SYTL5: variants seen among roughly 807,000 people sequenced by gnomAD.
SYTL5 encodes the protein synaptotagmin-like protein 5.
Under a neutral mutation model 55.9 loss-of-function variants are expected in SYTL5, and 34 were observed. The ratio of observed to expected loss-of-function variants is 0.61; its 90% CI spans 0.46 to 0.81. The LOEUF is 0.81. Among genes scored for constraint, SYTL5 ranks in the 30% least tolerant of loss-of-function variants. The probability of loss-of-function intolerance (pLI) is 0.00; values close to 1 mark genes in which losing one functional copy is unlikely to be tolerated. For synonymous variants in SYTL5, 221 were observed against 188.7 expected, an observed-to-expected ratio of 1.17 and a Z score of -1.40; for missense variants, 637 against 546.7, an observed-to-expected ratio of 1.17 and a Z score of -1.65.
At chrX:38,096,863 T>C (rs745311738) in intron 9 of SYTL5, among the ~76,000 whole-genome samples, 2 of 111,378 alleles carry the variant, frequency 1.8e-5, no homozygotes, top group East Asian at 5.6e-4. Context: ...AATAATATTT[T>C]CTATAGTACA....
intron 4 of SYTL5, 113 bp downstream of exon 4, chrX:38,072,275 A>G: frequency 2.0e-6 from 1 of 504,166 alleles, no homozygotes. Context: ...TGAATCCCTT[A>G]GGGCATTTCA....
At chrX:38,096,865 T>A (rs771666615) in intron 9 of SYTL5, among the ~76,000 whole-genome samples, 1 of 111,412 alleles carries the variant, frequency 9.0e-6, no homozygotes, top group Non-Finnish European at 1.9e-5. Context: ...TAATATTTTC[T>A]ATAGTACAAA....
At position 38,099,237 on chromosome X, in the gene SYTL5, T is replaced by C. The variant is rs142407603; in HGVS notation, c.1062+3003T>C. ...ATAATTGTTAAAACTAGGTAATCAG[T>C]TATAAGGGTTCATTATGCTATGCTT... On this transcript the variant is annotated intron_variant, in intron 9 of 16. Transcript: ENST00000297875. Among the ~76,000 whole-genome samples the C allele has an allele frequency of 3.2e-3, 357 of 110,865 alleles. 8 individuals are homozygous for C. The East Asian group carries it at 0.042, about 13-fold the overall frequency.
chrX:37,938,314 T>C, the SYTL5 span, among the ~76,000 whole-genome samples: 1 of 112,444 alleles, frequency 8.9e-6, no homozygotes, highest in African/African-American at 3.2e-5. Flanking sequence ...CCCACTAAAG[T>C]AGAAAATCTT....
the SYTL5 span, among the ~76,000 whole-genome samples, chrX:37,948,175 T>A: frequency 0.018 from 2,042 of 110,645 alleles, 43 homozygotes; most frequent in African/African-American, 0.064. Context: ...TCCTCCCAAG[T>A]TTATCCTATT....
At chrX:37,948,180 C>A in the SYTL5 span, among the ~76,000 whole-genome samples, 5 of 110,584 alleles carry the variant, frequency 4.5e-5, no homozygotes, top group African/African-American at 1.6e-4. Context: ...CCAAGTTTAT[C>A]CTATTACCAA....
intron 2 of SYTL5, among the ~76,000 whole-genome samples, chrX:38,051,150 T>C (rs139728126): frequency 2.3e-3 from 262 of 111,720 alleles, no homozygotes; most frequent in African/African-American, 8.2e-3. Flanking sequence ...TATGAAACTT[T>C]AAGAAGAATT....
intron 10 of SYTL5, among the ~76,000 whole-genome samples, chrX:38,104,308 G>A (rs1205087887): frequency 3.6e-5 from 4 of 111,670 alleles, no homozygotes; most frequent in Non-Finnish European, 5.6e-5. Flanking sequence ...GTGGTACCTC[G>A]ATACACAGTT....
intron 1 of SYTL5, among the ~76,000 whole-genome samples, chrX:38,018,926 A>G (rs1305418615): frequency 8.9e-6 from 1 of 111,743 alleles, no homozygotes; most frequent in Non-Finnish European, 1.9e-5. Flanking sequence ...GAGCCTCCTC[A>G]TTTTGTCTAC....
chrX:37,939,222 T>C, the SYTL5 span, among the ~76,000 whole-genome samples: 14 of 107,100 alleles, frequency 1.3e-4, no homozygotes, highest in African/African-American at 4.4e-4. Flanking sequence ...GATCGCACCA[T>C]TGCACTCCAG....
the SYTL5 span, among the ~76,000 whole-genome samples, chrX:37,975,102 A>C: frequency 8.9e-6 from 1 of 112,473 alleles, no homozygotes; most frequent in East Asian, 2.8e-4. Flanking sequence ...TAAGCCAATA[A>C]AATGTGTACT....
chrX:37,957,313 T>C, the SYTL5 span, among the ~76,000 whole-genome samples: 1 of 111,949 alleles, frequency 8.9e-6, no homozygotes, highest in Non-Finnish European at 1.9e-5. Flanking sequence ...TTTGCTTTTG[T>C]TGCCTGTGCT....
chrX:38,071,088 G>A (rs1167915003), intron 3 of SYTL5, among the ~76,000 whole-genome samples: 1 of 111,715 alleles, frequency 9.0e-6, no homozygotes, highest in Non-Finnish European at 1.9e-5. Context: ...AATTGAGATC[G>A]TGGTCTGTGA....
chrX:38,017,376 G>A (rs1934389993), intron 1 of SYTL5, among the ~76,000 whole-genome samples: 1 of 111,885 alleles, frequency 8.9e-6, no homozygotes, highest in Non-Finnish European at 1.9e-5. Flanking sequence ...TCTGGATTTA[G>A]TGTGATACTT....
At chrX:38,007,161 T>C (rs1307600581) in intron 1 of SYTL5, among the ~76,000 whole-genome samples, 1 of 112,013 alleles carries the variant, frequency 8.9e-6, no homozygotes, top group Non-Finnish European at 1.9e-5. Context: ...AATTATTTAA[T>C]TGTTTTTACA....
Position 38,126,908 on chromosome X carries a change from A to G in SYTL5, c.*178A>G, listed in dbSNP as rs1166220198. ...TAGGGTCTTGCTGAGTGCCTAAAAA[A>G]CATATATTTCCATCCAATCAAGGCC... On this transcript the variant is annotated 3_prime_UTR_variant, in exon 17 of 17. Transcript: ENST00000297875. 4 of 444,122 alleles carry G rather than the reference A, an allele frequency of 9.0e-6. No homozygotes were observed. The highest frequency in any genetic ancestry group is 1.5e-5 in the Non-Finnish European group (4 of 268,482). 36.6% of individuals were successfully genotyped at this position (444,122 alleles called of 1,213,427 possible).
chrX:37,985,895 C>A, the SYTL5 span, among the ~76,000 whole-genome samples: 1 of 111,124 alleles, frequency 9.0e-6, no homozygotes, highest in African/African-American at 3.3e-5. Context: ...TGATTTTTGA[C>A]CATTCAATGG....
chrX:38,051,967 A>T (rs1266477117), intron 2 of SYTL5, among the ~76,000 whole-genome samples: 1 of 111,634 alleles, frequency 9.0e-6, no homozygotes, highest in African/African-American at 3.3e-5. Flanking sequence ...TGAGAAAGTG[A>T]TGTACTCATT....
At chrX:38,082,799 G>A (rs975006581) in intron 6 of SYTL5, among the ~76,000 whole-genome samples, 2 of 111,679 alleles carry the variant, frequency 1.8e-5, no homozygotes, top group South Asian at 3.7e-4. Flanking sequence ...GAAATAAAAA[G>A]TACAAAGGAA....
Sources: allele counts gnomAD v4.1 joint callset (sites outside exome capture counted in the v4.1 genomes callset), GRCh38; gene constraint gnomAD v4.1.1; transcripts MANE v1.5; gene names NCBI Gene and HGNC (gene_info 2026-07-23, HGNC 2026-07-21).